Variants in KCNJ3 observed in about 807,000 individuals in gnomAD.
KCNJ3 encodes G protein-activated inward rectifier potassium channel 1.
In KCNJ3, 4 loss-of-function variants were observed where a neutral mutation model predicts 39.2. The ratio of observed to expected loss-of-function variants is 0.10; its 90% CI spans 0.05 to 0.23. The LOEUF is 0.23. Among genes scored for constraint, KCNJ3 ranks in the 10% least tolerant of loss-of-function variants. The probability of loss-of-function intolerance (pLI) is 1.00; values close to 1 mark genes in which losing one functional copy is unlikely to be tolerated. For synonymous variants in KCNJ3, 230 were observed against 237.4 expected (o/e 0.97, Z 0.29); for missense variants, 276 against 634.9 (o/e 0.43, Z 6.08).
intron 2 of KCNJ3, among the ~76,000 whole-genome samples, chr2:154,762,075 A>G (rs1686056360): frequency 6.6e-6 from 1 of 152,218 alleles, no homozygotes; most frequent in Non-Finnish European, 1.5e-5. Context: ...TGGAATAGAC[A>G]AGGAATGAAC....
chr2:154,751,850 G>C (rs560510576), intron 2 of KCNJ3, among the ~76,000 whole-genome samples: 4 of 151,998 alleles, frequency 2.6e-5, no homozygotes. Context: ...TTCCTTCTGT[G>C]TTTGTGTGCA....
At chr2:154,788,477 A>G (rs1440030825) in intron 2 of KCNJ3, among the ~76,000 whole-genome samples, 1 of 152,126 alleles carries the variant, frequency 6.6e-6, no homozygotes, top group Non-Finnish European at 1.5e-5. Flanking sequence ...ATTTTGCAGA[A>G]AAAGCAATTT....
chr2:154,727,519 G>A (rs760590535), intron 2 of KCNJ3, among the ~76,000 whole-genome samples: 5 of 151,296 alleles, frequency 3.3e-5, no homozygotes, highest in African/African-American at 1.2e-4. Flanking sequence ...TTGAACCCAG[G>A]GGGCGGAGGT....
intron 2 of KCNJ3, among the ~76,000 whole-genome samples, chr2:154,792,044 C>A (rs1217683146): frequency 3.9e-5 from 6 of 151,978 alleles, no homozygotes; most frequent in Non-Finnish European, 8.8e-5. Context: ...TTCCCAAACA[C>A]AAAACAGTTT....
intron 2 of KCNJ3, among the ~76,000 whole-genome samples, chr2:154,816,562 G>A (rs1309387367): frequency 6.6e-6 from 1 of 152,102 alleles, no homozygotes; most frequent in African/African-American, 2.4e-5. Context: ...AAACAGAAAA[G>A]CACTGACAAC....
intron 2 of KCNJ3, among the ~76,000 whole-genome samples, chr2:154,838,838 G>A (rs1668585679): frequency 2.0e-5 from 3 of 152,054 alleles, no homozygotes; most frequent in Admixed American, 1.3e-4. Flanking sequence ...TGCTTTATAC[G>A]ATATTTCAAA....
chr2:154,703,718 CT>C (rs1332927498), intron 1 of KCNJ3, among the ~76,000 whole-genome samples: 1 of 152,034 alleles, frequency 6.6e-6, no homozygotes, highest in Admixed American at 6.6e-5. Context: ...CATTTTATAT[CT>C]TGCACTGAAA....
At chr2:154,800,188 G>A (rs1439539523) in intron 2 of KCNJ3, among the ~76,000 whole-genome samples, 1 of 152,142 alleles carries the variant, frequency 6.6e-6, no homozygotes, top group Admixed American at 6.6e-5. Context: ...TTGATTTATA[G>A]GTTTGTGACC....
intron 2 of KCNJ3, among the ~76,000 whole-genome samples, chr2:154,757,097 A>C (rs1685951869): frequency 6.6e-6 from 1 of 152,156 alleles, no homozygotes; most frequent in Non-Finnish European, 1.5e-5. Context: ...TATATTTTCC[A>C]CAGCAACATG....
At chr2:154,719,387 A>C (rs1685230632) in intron 2 of KCNJ3, among the ~76,000 whole-genome samples, 1 of 152,292 alleles carries the variant, frequency 6.6e-6, no homozygotes, top group Non-Finnish European at 1.5e-5. Context: ...ATCTTTGTTA[A>C]TTCAGACTGT....
In KCNJ3 at chr2:154,756,062, G is replaced by A. The variant is rs139420645; in HGVS notation, c.919+46243G>A. 3.8e-3 allele frequency among the ~76,000 whole-genome samples: 573 copies of A among 152,094 alleles called. 2 individuals are homozygous for A. Among genetic ancestry groups the A allele is most frequent in the African/African-American group, 0.013 (535 of 41,486 alleles). ...TCAGTCTTCAGCACCTTTATATTGT[G>A]GTTCCTAGATATCCAGACGGGTTTA... is the stretch of plus-strand genomic sequence containing the variant. On this transcript the variant is annotated intron_variant, in intron 2 of 2. Transcript: ENST00000295101.
rs201855672 is a variant in KCNJ3, at chr2:154,854,717, T to G, written c.920-10T>G. The G allele has an allele frequency of 5.7e-6, 9 of 1,588,630 alleles. No homozygotes were observed. In the African/African-American group the frequency reaches 1.1e-4, roughly 19 times the overall value. On this transcript the variant is annotated splice_polypyrimidine_tract_variant and intron_variant, in intron 2 of 2. Transcript: ENST00000295101. ...GCATAATTTATCAAGAATTTTCTCT[T>G]TTCTTGTAGGGATGACTTGTCAAGC...
chr2:154,800,926 C>A (rs1170312242), intron 2 of KCNJ3, among the ~76,000 whole-genome samples: 1 of 152,212 alleles, frequency 6.6e-6, no homozygotes, highest in African/African-American at 2.4e-5. Context: ...ATCAAAAGAA[C>A]AAGCTCCTTG....
chr2:154,852,948 T>C (rs1286415659), intron 2 of KCNJ3, among the ~76,000 whole-genome samples: 1 of 152,000 alleles, frequency 6.6e-6, no homozygotes, highest in Non-Finnish European at 1.5e-5. Context: ...TTAGAGACAT[T>C]ACGGCAAAGT....
intron 2 of KCNJ3, among the ~76,000 whole-genome samples, chr2:154,725,134 T>C (rs116622718): frequency 0.025 from 3,842 of 151,478 alleles, 142 homozygotes; most frequent in African/African-American, 0.088. Flanking sequence ...CTCCAGCCTA[T>C]TGTTTGTTTG....
intron 2 of KCNJ3, among the ~76,000 whole-genome samples, chr2:154,833,667 C>G (rs1490131904): frequency 6.6e-6 from 1 of 152,130 alleles, no homozygotes; most frequent in African/African-American, 2.4e-5. Flanking sequence ...TTCCACTGCC[C>G]TAAAAATCTC....
chr2:154,801,503 T>TTCTTC (rs1686816748), intron 2 of KCNJ3, among the ~76,000 whole-genome samples: 1 of 150,666 alleles, frequency 6.6e-6, no homozygotes, highest in Non-Finnish European at 1.5e-5. Context: ...TTCTTTTCTT[T>TTCTTC]TTTCTTTTCT....
intron 2 of KCNJ3, among the ~76,000 whole-genome samples, chr2:154,734,213 C>T (rs1685487259): frequency 6.6e-6 from 1 of 152,150 alleles, no homozygotes; most frequent in African/African-American, 2.4e-5. Context: ...AGACTGAAGG[C>T]AGATAATGTG....
intron 2 of KCNJ3, among the ~76,000 whole-genome samples, chr2:154,807,193 A>G (rs1686926963): frequency 1.3e-5 from 2 of 152,134 alleles, no homozygotes. Context: ...AGATTTCCAC[A>G]TTGATCTGAG....
Sources: gnomAD v4.1 joint callset for allele counts (sites outside exome capture counted in the v4.1 genomes callset) on GRCh38, gnomAD v4.1.1 for gene constraint, MANE v1.5 for transcripts, NCBI Gene and HGNC (gene_info 2026-07-23, HGNC 2026-07-21) for gene names.